DENND1C: variants seen among roughly 807,000 people sequenced by gnomAD.
DENND1C encodes DENN domain-containing protein 1C.
In DENND1C, 64 loss-of-function variants were observed where a neutral mutation model predicts 87.9. The ratio of observed to expected loss-of-function variants is 0.73; its 90% CI spans 0.60 to 0.90. The LOEUF is 0.90. DENND1C is among the 40% of genes least tolerant of loss of function. The pLI is 0.00. For missense variants in DENND1C, 980 were observed against 1,037.0 expected, an observed-to-expected ratio of 0.95 and a Z score of 0.76; for synonymous variants, 384 against 424.4, an observed-to-expected ratio of 0.90 and a Z score of 1.17.
At chr19:6,473,021 C>T in intron 14 of DENND1C, 28 bp from the exon 15 acceptor site, 1 of 1,460,416 alleles carries the variant, frequency 6.8e-7, no homozygotes, top group South Asian at 1.4e-5. Flanking sequence ...GTTCTGAGCT[C>T]CCTGGGGTGC....
chr19:6,477,578 G>GTTT, intron 6 of DENND1C, 120 bp from the exon 7 acceptor site: 4 of 355,774 alleles, frequency 1.1e-5, no homozygotes, highest in Admixed American at 5.3e-5. Flanking sequence ...AGTCCTGGGA[G>GTTT]TTTTTTTTTT....
At chr19:6,469,356 G>T in intron 19 of DENND1C, 2 of 515,214 alleles carry the variant, frequency 3.9e-6, no homozygotes, top group Non-Finnish European at 7.0e-6. Flanking sequence ...TTGAGACAGG[G>T]TCTCTCTGTC....
Position 6,477,145 on chromosome 19 carries a change from A to G in DENND1C, c.514-18T>C. The G allele has an allele frequency of 6.2e-7, 1 of 1,600,740 alleles. No individual in the cohort carries two copies. The highest frequency in any genetic ancestry group is 1.1e-5 in the South Asian group (1 of 90,072). On this transcript the variant is annotated intron_variant, in intron 8 of 22. Coordinates refer to ENST00000381480, the MANE Select transcript of DENND1C (RefSeq NM_024898.4). The stretch of plus-strand genomic sequence containing the variant: ...CAGGAAAGCTGGTGGGGGTATTGGC[A>G]GGGGGATCAATCAGTCAGGAGGCTG...
At chr19:6,469,823 A>C in intron 18 of DENND1C, 183 bp from the exon 19 acceptor site, 1 of 613,258 alleles carries the variant, frequency 1.6e-6, no homozygotes. Flanking sequence ...CTAATATAAA[A>C]TGAGTATTCC....
At position 6,475,569 on chromosome 19, in the gene DENND1C, G is replaced by C. The variant is rs2092854291; in HGVS notation, c.842C>G (p.Ala281Gly). ...GTTCAGCACCACGACGTCCTCCAGG[G>C]CTTTTTCTCGTACTCTCTGCGGAAA... ...ASLAERVREK[A>G]LEDVVVLNVD... Residue 281 changes from alanine (A) to glycine (G), a missense_variant, in exon 13 of 23, where the codon GCC (alanine) becomes GGC (glycine). Transcript: ENST00000381480. 3 of 1,614,000 alleles carry C rather than the reference G, an allele frequency of 1.9e-6. No individual in the cohort carries two copies. Among genetic ancestry groups the C allele is most frequent in the Non-Finnish European group, 1.7e-6 (2 of 1,179,872 alleles).
intron 18 of DENND1C, 172 bp downstream of exon 18, chr19:6,470,119 AAAAT>A (rs2092819227): frequency 1.6e-6 from 1 of 632,812 alleles, no homozygotes; most frequent in African/African-American, 1.8e-5. Context: ...TAATAAATAA[AAAAT>A]AAAAGGGGGA....
Position 6,475,946 on chromosome 19 carries a change from C to A in DENND1C, c.679-9G>T, listed in dbSNP as rs768077426. ...TGGACGCACGAGGTCAGCTGGGGAGCGATGGCGGGGCGTGGAGTCAGGGCC... is the reference window on the plus strand; with the variant it reads ...TGGACGCACGAGGTCAGCTGGGGAGAGATGGCGGGGCGTGGAGTCAGGGCC... On this transcript the variant is annotated splice_polypyrimidine_tract_variant and intron_variant, in intron 10 of 22. Transcript: ENST00000381480. 6.4e-7 allele frequency: 1 copy of A among 1,550,722 alleles called. No individual in the cohort carries two copies. The highest frequency in any genetic ancestry group is 1.2e-5 in the South Asian group (1 of 84,132).
At chr19:6,479,965 C>T (rs1415738346) in intron 2 of DENND1C, 22 bp downstream of exon 2, 3 of 1,602,150 alleles carry the variant, frequency 1.9e-6, no homozygotes, top group African/African-American at 1.3e-5. Flanking sequence ...CCCACTCCCT[C>T]ACTCCCAGGC....
rs1280865479 is a variant in DENND1C at position 6,477,380 on chromosome 19, G to A, written c.445C>T (p.Leu149=). 6 of 1,613,534 alleles carry A rather than the reference G, an allele frequency of 3.7e-6. No homozygotes were observed. The South Asian group carries it at 6.6e-5, about 18-fold the overall frequency. The change falls in exon 7 of 23, where the codon CTG becomes TTG. Residue 149 remains leucine (L), a splice_region_variant and synonymous_variant. Transcript: ENST00000381480. ...SGPQASVGLE[L]GSGVTVSSGQ... ...CCCAGGGAATGGGAGCTACTCACCA[G>A]CTCAAGCCCCACTGAGGCCTGGGGC...
chr19:6,467,595 T>A lies in DENND1C; in HGVS notation c.2315A>T (p.Asn772Ile), dbSNP rs2092802322. Residue 772 changes from asparagine to isoleucine, a missense_variant, in exon 23 of 23, where the codon AAT (asparagine) becomes ATT (isoleucine). Physicochemically the swap from Asn to Ile is moderately radical, Grantham distance 149. Coordinates refer to ENST00000381480, the MANE Select transcript of DENND1C (RefSeq NM_024898.4). ...GTTGCTGGTGGGTGTAGCAGGGGAA[T>A]TCAGGGCTCCTGGTTCCTCCCGTGG... The part of the protein sequence containing the change: ...LQPREEPGAL[N>I]SPATPTSNCQ... 1 of 1,592,028 alleles carries A rather than the reference T, an allele frequency of 6.3e-7. No individual in the cohort carries two copies. Among genetic ancestry groups the A allele is most frequent in the South Asian group, 1.1e-5 (1 of 87,788 alleles).
chr19:6,468,616 G>A lies in DENND1C; in HGVS notation c.1545C>T (p.Arg515=). 6.6e-7 allele frequency: 1 copy of A among 1,506,036 alleles called. No individual in the cohort carries two copies. The highest frequency in any genetic ancestry group is 1.4e-5 in the South Asian group (1 of 72,274). 93.3% of individuals were successfully genotyped at this position (1,506,036 alleles called of 1,614,324 possible). A position where few individuals can be genotyped will look rare whatever the true frequency, so the allele number is the denominator to read the frequency against. The change falls in exon 21 of 23, where the codon CGC becomes CGT. Residue 515 remains arginine, a synonymous_variant. Coordinates refer to ENST00000381480, the MANE Select transcript of DENND1C (RefSeq NM_024898.4). ...GCTCGGAAGTTCCCTCTTCCAGCTG[G>A]CGTCTCCTGCTGGGGCGAAGGGGCC... The part of the protein sequence containing the change: ...KNRPLRPSRR[R]QLEEGTSEPP...
chr19:6,473,056 T>C, intron 14 of DENND1C, 63 bp from the exon 15 acceptor site: 2 of 1,204,826 alleles, frequency 1.7e-6, no homozygotes, highest in Non-Finnish European at 2.2e-6. Context: ...CATTCTACTA[T>C]ATATTTATGT....
At chr19:6,469,013 C>A in intron 19 of DENND1C, 60 bp from the exon 20 acceptor site, 2 of 1,029,724 alleles carry the variant, frequency 1.9e-6, no homozygotes, top group South Asian at 3.5e-5. Context: ...CACCCCCTAC[C>A]ATTGGTCTTT....
intron 15 of DENND1C, 148 bp downstream of exon 15, chr19:6,472,741 C>T (rs1055611790): frequency 1.1e-5 from 6 of 555,274 alleles, no homozygotes; most frequent in Non-Finnish European, 1.4e-5. Context: ...CACTTGGGAA[C>T]CCTGGAGTAG....
intron 6 of DENND1C, among the ~76,000 whole-genome samples, chr19:6,477,862 G>T (rs1260307205): frequency 6.7e-6 from 1 of 149,308 alleles, no homozygotes; most frequent in Non-Finnish European, 1.5e-5. Flanking sequence ...CCAGGAGTCC[G>T]TGTCCAGCCT....
chr19:6,481,662 G>C lies in DENND1C; in HGVS notation c.17+17C>G, dbSNP rs762706192. 95 of 1,611,646 alleles carry C rather than the reference G, an allele frequency of 5.9e-5. No homozygotes were observed. Among genetic ancestry groups the C allele is most frequent in the Non-Finnish European group, 4.9e-5 (58 of 1,178,876 alleles). On this transcript the variant is annotated intron_variant, in intron 1 of 22. Transcript: ENST00000381480. Reference sequence around the variant, plus strand: ...GGGAATCTTGTACCAGAGAATGAGGGATGGGGTGGCTCTTACTCAGCTCTG... The same window carrying C: ...GGGAATCTTGTACCAGAGAATGAGGCATGGGGTGGCTCTTACTCAGCTCTG...
Position 6,470,338 on chromosome 19 carries a change from A to C in DENND1C, c.1319T>G (p.Val440Gly), listed in dbSNP as rs2092820548. The C allele has an allele frequency of 6.2e-7, 1 of 1,612,756 alleles. No homozygotes were observed. Among genetic ancestry groups the C allele is most frequent in the Non-Finnish European group, 8.5e-7 (1 of 1,179,492 alleles). The change falls in exon 18 of 23, where the codon GTC becomes GGC. Residue 440 changes from valine (V) to glycine (G), a missense_variant. By Grantham distance (109) the Val-to-Gly change is moderately radical. Coordinates refer to ENST00000381480, the MANE Select transcript of DENND1C (RefSeq NM_024898.4). ...GACGGCTGGTTGGGTCTTGGCCTTG[A>C]CTGAGTGCAGGAGGGCGCCACCACC... Reference protein sequence around the residue: ...KKGGGALLHSVKAKTQPAVKN... With the variant: ...KKGGGALLHSGKAKTQPAVKN...
intron 15 of DENND1C, among the ~76,000 whole-genome samples, chr19:6,472,494 G>A (rs1381688091): frequency 3.9e-5 from 6 of 152,180 alleles, no homozygotes; most frequent in African/African-American, 1.2e-4. Context: ...GGGTTCAAAC[G>A]ATTCTCCTGC....
At chr19:6,477,892 C>A (rs1052980845) in intron 6 of DENND1C, among the ~76,000 whole-genome samples, 5 of 133,982 alleles carry the variant, frequency 3.7e-5, no homozygotes, top group Admixed American at 3.0e-4. Flanking sequence ...AGTGAAAACA[C>A]GTCTCTGTTA....
Sources: allele counts gnomAD v4.1 joint callset (sites outside exome capture counted in the v4.1 genomes callset), GRCh38; gene constraint gnomAD v4.1.1; transcripts MANE v1.5; gene names NCBI Gene and HGNC (gene_info 2026-07-23, HGNC 2026-07-21).